SPATS2: variants seen among roughly 807,000 people sequenced by gnomAD.
The protein encoded by SPATS2 is spermatogenesis associated serine rich 2.
A neutral mutation model predicts 63.7 loss-of-function variants in SPATS2; 38 were observed. The ratio of observed to expected loss-of-function variants is 0.60; its 90% CI spans 0.46 to 0.78. The LOEUF is 0.78. Ranked by LOEUF, SPATS2 falls within the 30% of genes least tolerant of loss-of-function variation. The probability of loss-of-function intolerance (pLI) is 0.00; values close to 1 mark genes in which losing one functional copy is unlikely to be tolerated. For missense variants in SPATS2, 588 were observed against 666.2 expected, an observed-to-expected ratio of 0.88 and a Z score of 1.29; for synonymous variants, 207 against 232.9, an observed-to-expected ratio of 0.89 and a Z score of 1.01.
intron 11 of SPATS2, among the ~76,000 whole-genome samples, chr12:49,520,700 C>G (rs1158540019): frequency 6.6e-6 from 1 of 151,644 alleles, no homozygotes; most frequent in Non-Finnish European, 1.5e-5. Context: ...ATAACAATTA[C>G]TTGGGTTCAA....
intron 2 of SPATS2, among the ~76,000 whole-genome samples, chr12:49,411,692 A>G (rs1042327014): frequency 1.3e-5 from 2 of 152,222 alleles, no homozygotes; most frequent in Non-Finnish European, 2.9e-5. Context: ...AAGTGAAAAA[A>G]GGTTAATTAA....
intron 2 of SPATS2, among the ~76,000 whole-genome samples, chr12:49,377,180 T>C (rs1275749145): frequency 6.6e-6 from 1 of 152,228 alleles, no homozygotes; most frequent in African/African-American, 2.4e-5. Context: ...TCACCTCTGT[T>C]ATTACTCAAA....
At chr12:49,380,384 C>T (rs1458581323) in intron 2 of SPATS2, among the ~76,000 whole-genome samples, 1 of 151,984 alleles carries the variant, frequency 6.6e-6, no homozygotes, top group Non-Finnish European at 1.5e-5. Context: ...ACAACTCTGC[C>T]TTCAATGCCT....
At chr12:49,399,036 C>CT (rs1381407452) in intron 2 of SPATS2, among the ~76,000 whole-genome samples, 1 of 152,188 alleles carries the variant, frequency 6.6e-6, no homozygotes, top group Non-Finnish European at 1.5e-5. Context: ...TGTCCTTCCT[C>CT]TTTATTTTGC....
intron 6 of SPATS2, among the ~76,000 whole-genome samples, chr12:49,492,033 C>A (rs1946391024): frequency 1.3e-5 from 2 of 152,256 alleles, no homozygotes; most frequent in South Asian, 4.1e-4. Flanking sequence ...TGAACAAAAA[C>A]CAGGCTTGGC....
intron 9 of SPATS2, among the ~76,000 whole-genome samples, chr12:49,501,289 C>T (rs1159019186): frequency 6.6e-6 from 1 of 152,138 alleles, no homozygotes; most frequent in African/African-American, 2.4e-5. Flanking sequence ...GGGCCCACAT[C>T]TTGGCAAGGA....
At chr12:49,369,546 C>T (rs1943963291) in intron 1 of SPATS2, among the ~76,000 whole-genome samples, 1 of 152,176 alleles carries the variant, frequency 6.6e-6, no homozygotes, top group Non-Finnish European at 1.5e-5. Context: ...TTTGCTCTTT[C>T]TGCTTCACCC....
intron 9 of SPATS2, chr12:49,512,763 C>T (rs1180205243): frequency 8.6e-6 from 6 of 694,600 alleles, no homozygotes; most frequent in South Asian, 5.0e-5. Context: ...ATGGACACAG[C>T]GTCTGCATCT....
rs150132398 is a variant in SPATS2, at chr12:49,368,431, T to G, written c.-307+844T>G. Among the ~76,000 whole-genome samples, 20 of 152,328 alleles carry G rather than the reference T, an allele frequency of 1.3e-4. No individual in the cohort carries two copies. The East Asian group carries it at 3.5e-3, about 26-fold the overall frequency. On this transcript the variant is annotated intron_variant, in intron 1 of 13. Coordinates refer to ENST00000552918, the MANE Select transcript of SPATS2 (RefSeq NM_023071.4). ...TTGCTTTAAGTTAGGTCAGTGATAA[T>G]GCAGATTTCAGTGTTTTGGAGAGAA... is the stretch of plus-strand genomic sequence containing the variant.
chr12:49,414,934 TC>T (rs1315798990), intron 2 of SPATS2, among the ~76,000 whole-genome samples: 36 of 143,768 alleles, frequency 2.5e-4, no homozygotes, highest in African/African-American at 8.7e-4. Context: ...TTTTTCTTTT[TC>T]TTTTCTTTTT....
intron 2 of SPATS2, among the ~76,000 whole-genome samples, chr12:49,432,218 A>G (rs909420251): frequency 2.4e-4 from 36 of 152,190 alleles, no homozygotes; most frequent in African/African-American, 8.4e-4. Flanking sequence ...TTATGCCTGT[A>G]ATCCCAGCAC....
chr12:49,428,147 T>C (rs1233887201), intron 2 of SPATS2, among the ~76,000 whole-genome samples: 1 of 151,812 alleles, frequency 6.6e-6, no homozygotes, highest in Non-Finnish European at 1.5e-5. Flanking sequence ...CCCAGCTACT[T>C]GGGAGGCTGA....
At chr12:49,373,108 G>A (rs1370199729) in intron 2 of SPATS2, among the ~76,000 whole-genome samples, 2 of 152,086 alleles carry the variant, frequency 1.3e-5, no homozygotes, top group Non-Finnish European at 2.9e-5. Flanking sequence ...GAGTAGCTGG[G>A]ATTACAGGCA....
chr12:49,388,949 C>T (rs184787137), intron 2 of SPATS2, among the ~76,000 whole-genome samples: 22 of 152,190 alleles, frequency 1.4e-4, no homozygotes, highest in Admixed American at 6.5e-4. Flanking sequence ...TCACATTGGC[C>T]TACGAAAGTG....
Position 49,518,562 on chromosome 12 carries a change from AAAAG to A in SPATS2, c.899-505_899-502del, listed in dbSNP as rs149837190. On this transcript the variant is annotated intron_variant, in intron 10 of 13. Transcript: ENST00000552918. The stretch of plus-strand genomic sequence containing the variant: ...TATATTAAGTAAAAATAGCTAAGGT[AAAAG>A]AAAGACCATGTGTATGATATACTTC... Among the ~76,000 whole-genome samples the A allele has an allele frequency of 1.2e-3, 180 of 152,356 alleles. 1 individual carries two copies. Among genetic ancestry groups the A allele is most frequent in the African/African-American group, 3.7e-3 (155 of 41,582 alleles).
chr12:49,436,693 G>A (rs1348412966), intron 2 of SPATS2, among the ~76,000 whole-genome samples: 3 of 136,734 alleles, frequency 2.2e-5, no homozygotes, highest in South Asian at 2.4e-4. Flanking sequence ...GGGCAGAGGC[G>A]CCCCTCACCT....
chr12:49,429,403 G>A (rs1048520233), intron 2 of SPATS2, among the ~76,000 whole-genome samples: 5 of 152,026 alleles, frequency 3.3e-5, no homozygotes, highest in Admixed American at 6.6e-5. Flanking sequence ...TTGAGAAAGC[G>A]GACTTAGAGA....
chr12:49,485,750 G>A (rs1210257034), intron 4 of SPATS2, among the ~76,000 whole-genome samples: 1 of 150,356 alleles, frequency 6.7e-6, no homozygotes. Context: ...AAAGCTTTAT[G>A]GGCTCTCTTT....
chr12:49,486,162 T>C (rs1184627255), intron 4 of SPATS2: 1 of 445,440 alleles, frequency 2.2e-6, no homozygotes, highest in African/African-American at 2.0e-5. Flanking sequence ...ACCTTTATCG[T>C]AGAGTCTGTA....
Sources: gnomAD v4.1 joint callset for allele counts (sites outside exome capture counted in the v4.1 genomes callset) on GRCh38, gnomAD v4.1.1 for gene constraint, MANE v1.5 for transcripts, NCBI Gene and HGNC (gene_info 2026-07-23, HGNC 2026-07-21) for gene names.